The following RAPGEF4 variants were observed in gnomAD, a reference collection of about 807,000 sequenced individuals.
RAPGEF4 encodes Rap guanine nucleotide exchange factor 4, also known as RAP guanine-nucleotide-exchange factor (GEF) 4.
Under a neutral mutation model 147.9 loss-of-function variants are expected in RAPGEF4, and 66 were observed. That is an observed-to-expected ratio of 0.45 (90% CI 0.37 to 0.55). The LOEUF is 0.55. Ranked by LOEUF, RAPGEF4 falls within the 20% of genes least tolerant of loss-of-function variation. The pLI, the probability that RAPGEF4 is intolerant of heterozygous loss-of-function variation, is 0.00. For synonymous variants in RAPGEF4, 419 were observed against 442.7 expected (o/e 0.95, Z 0.67); for missense variants, 1,071 against 1,257.3 (o/e 0.85, Z 2.24).
At chr2:172,954,964 G>T (rs376234928) in intron 6 of RAPGEF4, among the ~76,000 whole-genome samples, 6 of 152,078 alleles carry the variant, frequency 3.9e-5, no homozygotes, top group Admixed American at 6.6e-5. Flanking sequence ...CTTTAGCCTC[G>T]CACACTGCTC....
At chr2:172,774,263 T>G (rs903406051) in intron 1 of RAPGEF4, among the ~76,000 whole-genome samples, 3 of 152,240 alleles carry the variant, frequency 2.0e-5, no homozygotes, top group Non-Finnish European at 4.4e-5. Flanking sequence ...GACTAATTTT[T>G]GAAAATGATG....
At chr2:172,820,803 A>G (rs1477710820) in intron 4 of RAPGEF4, among the ~76,000 whole-genome samples, 1 of 152,204 alleles carries the variant, frequency 6.6e-6, no homozygotes, top group Non-Finnish European at 1.5e-5. Context: ...CTATTCCCTA[A>G]TTTTCAGAAT....
rs2105955630 is a variant in RAPGEF4, at chr2:173,027,244, T to C, written c.2543T>C (p.Ile848Thr). 1 of 1,595,460 alleles carries C rather than the reference T, an allele frequency of 6.3e-7. No individual in the cohort carries two copies. The highest frequency in any genetic ancestry group is 1.2e-5 in the South Asian group (1 of 86,360). The change falls in exon 25 of 31, where the codon ATT (isoleucine) becomes ACT (threonine). Residue 848 changes from isoleucine to threonine, a missense_variant. Transcript: ENST00000397081. ...CGTGTTCAGCTATTAAAAAAATTTA[T>C]TAAGATAGCAGCCCAGTAAGTATAT... ...SKRVQLLKKF[I>T]KIAAHCKEYK...
chr2:172,783,159 T>A (rs1166150548), intron 1 of RAPGEF4, among the ~76,000 whole-genome samples: 1 of 152,098 alleles, frequency 6.6e-6, no homozygotes, highest in African/African-American at 2.4e-5. Context: ...ATGATGGGGT[T>A]TTTCAACTCT....
At chr2:172,853,404 C>A (rs911010792) in intron 4 of RAPGEF4, among the ~76,000 whole-genome samples, 3 of 151,924 alleles carry the variant, frequency 2.0e-5, no homozygotes, top group African/African-American at 7.2e-5. Flanking sequence ...TCTAAGCATT[C>A]AAATGTATTG....
intron 4 of RAPGEF4, chr2:172,822,113 AC>A: frequency 9.4e-7 from 1 of 1,062,748 alleles, no homozygotes; most frequent in South Asian, 1.7e-5. Flanking sequence ...CCAAATATGT[AC>A]CATGGCAGGG....
intron 8 of RAPGEF4, among the ~76,000 whole-genome samples, chr2:172,961,633 T>C (rs183368533): frequency 3.9e-5 from 6 of 152,308 alleles, no homozygotes; most frequent in Non-Finnish European, 8.8e-5. Flanking sequence ...CTGCTAGACA[T>C]GTAGACCATT....
At chr2:172,767,835 G>GT (rs779059298) in intron 1 of RAPGEF4, among the ~76,000 whole-genome samples, 32 of 151,716 alleles carry the variant, frequency 2.1e-4, no homozygotes, top group African/African-American at 6.3e-4. Context: ...GTGATTCATG[G>GT]TTTTTTTGTT....
intron 1 of RAPGEF4, among the ~76,000 whole-genome samples, chr2:172,745,947 G>C (rs980274168): frequency 6.6e-6 from 1 of 152,156 alleles, no homozygotes; most frequent in Non-Finnish European, 1.5e-5. Context: ...GTAATTCTGC[G>C]AGGGGGCCAA....
chr2:172,886,843 AAAAG>A (rs1344598269), intron 4 of RAPGEF4, among the ~76,000 whole-genome samples: 1 of 151,954 alleles, frequency 6.6e-6, no homozygotes, highest in African/African-American at 2.4e-5. Flanking sequence ...TGCTTGTTTG[AAAAG>A]ATTCTCACTT....
intron 14 of RAPGEF4, among the ~76,000 whole-genome samples, chr2:172,990,024 A>G (rs1297011014): frequency 6.6e-6 from 1 of 151,718 alleles, no homozygotes; most frequent in Non-Finnish European, 1.5e-5. Flanking sequence ...ATGCAAAAAA[A>G]AAAAAGAAAA....
intron 10 of RAPGEF4, among the ~76,000 whole-genome samples, chr2:172,979,786 C>T (rs1823151): frequency 0.55 from 82,905 of 152,004 alleles, 23,924 homozygotes; most frequent in East Asian, 0.89. Flanking sequence ...GAGGCTAAGG[C>T]GGGTGGAGCA....
chr2:172,996,490 T>A lies in RAPGEF4; in HGVS notation c.1515T>A (p.Pro505=). 1 of 1,581,324 alleles carries A rather than the reference T, an allele frequency of 6.3e-7. No individual in the cohort carries two copies. Among genetic ancestry groups the A allele is most frequent in the East Asian group, 2.3e-5 (1 of 42,786 alleles). The change falls in exon 16 of 31, where the codon CCT becomes CCA. Residue 505 remains proline, a synonymous_variant. Transcript: ENST00000397081. ...QQKYTVMSGT[P]EKILEHFLET... is the part of the protein sequence containing the mutation. ...GGTATACTGTGATGTCAGGAACACC[T>A]GAAAAAATTTTAGAGCATTTTCTAG...
At chr2:172,776,610 T>A (rs1684188438) in intron 1 of RAPGEF4, among the ~76,000 whole-genome samples, 2 of 152,186 alleles carry the variant, frequency 1.3e-5, no homozygotes, top group South Asian at 4.1e-4. Context: ...CTCTAATTGT[T>A]ATTACTGTTT....
intron 1 of RAPGEF4, among the ~76,000 whole-genome samples, chr2:172,768,890 AG>A (rs1697097024): frequency 6.6e-6 from 1 of 152,240 alleles, no homozygotes; most frequent in Admixed American, 6.5e-5. Context: ...TGCTTCAGGT[AG>A]ATGTTTCCTC....
At chr2:172,966,516 A>G (rs1478690295) in intron 9 of RAPGEF4, among the ~76,000 whole-genome samples, 1 of 152,112 alleles carries the variant, frequency 6.6e-6, no homozygotes, top group Non-Finnish European at 1.5e-5. Context: ...CAAGGGATCT[A>G]CTGCTTGTCT....
intron 4 of RAPGEF4, among the ~76,000 whole-genome samples, chr2:172,883,301 G>A (rs1575127292): frequency 6.6e-6 from 1 of 152,304 alleles, no homozygotes; most frequent in African/African-American, 2.4e-5. Flanking sequence ...ATGGCAAAAG[G>A]CAGAAGAGCA....
intron 4 of RAPGEF4, among the ~76,000 whole-genome samples, chr2:172,888,854 A>G (rs1178872493): frequency 6.6e-6 from 1 of 152,198 alleles, no homozygotes; most frequent in Non-Finnish European, 1.5e-5. Context: ...TGCTAGAGCC[A>G]GTTAACTGCT....
chr2:172,738,967 A>C (rs1423295170), intron 1 of RAPGEF4, among the ~76,000 whole-genome samples: 1 of 152,260 alleles, frequency 6.6e-6, no homozygotes, highest in Non-Finnish European at 1.5e-5. Flanking sequence ...CTAGAAAGCT[A>C]TCATAGACAG....
Sources: allele counts gnomAD v4.1 joint callset (sites outside exome capture counted in the v4.1 genomes callset), GRCh38; gene constraint gnomAD v4.1.1; transcripts MANE v1.5; gene names NCBI Gene and HGNC (gene_info 2026-07-23, HGNC 2026-07-21).